Variants in KCNQ5 observed in about 807,000 individuals in gnomAD.
KCNQ5 encodes the protein potassium voltage-gated channel subfamily KQT member 5.
In KCNQ5, 30 loss-of-function variants were observed where a neutral mutation model predicts 98.2. The ratio of observed to expected loss-of-function variants is 0.31; its 90% confidence interval spans 0.23 to 0.41. The LOEUF (loss-of-function observed/expected upper bound fraction) is 0.41. Among genes scored for constraint, KCNQ5 ranks in the 10% least tolerant of loss-of-function variants. KCNQ5 has a pLI of 1.00. For missense variants in KCNQ5, 835 were observed against 1,182.5 expected (o/e 0.71, Z 4.31); for synonymous variants, 458 against 449.4 (o/e 1.02, Z -0.24).
At chr6:72,979,649 T>C (rs1768336540) in intron 1 of KCNQ5, among the ~76,000 whole-genome samples, 1 of 152,244 alleles carries the variant, frequency 6.6e-6, no homozygotes, top group Non-Finnish European at 1.5e-5. Context: ...TGATGGTAGT[T>C]TCTTTTGCCA....
chr6:72,988,015 C>G (rs1390129114), intron 1 of KCNQ5, among the ~76,000 whole-genome samples: 1 of 152,270 alleles, frequency 6.6e-6, no homozygotes, highest in East Asian at 1.9e-4. Context: ...GGACAACTAT[C>G]TTGATGGGCT....
chr6:72,935,333 AGT>A (rs924284593), intron 1 of KCNQ5, among the ~76,000 whole-genome samples: 2 of 152,026 alleles, frequency 1.3e-5, no homozygotes, highest in African/African-American at 4.8e-5. Flanking sequence ...AGCCTCCCAA[AGT>A]GCTGGGATTA....
chr6:73,033,686 C>A (rs1582226667), intron 2 of KCNQ5, among the ~76,000 whole-genome samples: 4 of 152,120 alleles, frequency 2.6e-5, no homozygotes, highest in African/African-American at 9.6e-5. Context: ...ATCTAATTTC[C>A]CCTATCTCCA....
In KCNQ5 at chr6:72,840,823, C is replaced by T. The variant is rs55723351; in HGVS notation, c.399-163085C>T. On this transcript the variant is annotated intron_variant, in intron 1 of 13. Transcript: ENST00000370398. The stretch of plus-strand genomic sequence containing the variant: ...TAGGCAGTGGACAGTCTTCTGTGAG[C>T]AGCAGCTCTGATAATGTATGCATAT... Among the ~76,000 whole-genome samples, 842 of 152,296 alleles carry T rather than the reference C, an allele frequency of 5.5e-3. 5 individuals carry two copies. Among genetic ancestry groups the T allele is most frequent in the African/African-American group, 0.018 (752 of 41,564 alleles).
intron 3 of KCNQ5, among the ~76,000 whole-genome samples, chr6:73,060,197 C>T (rs1772719148): frequency 6.6e-6 from 1 of 151,880 alleles, no homozygotes; most frequent in African/African-American, 2.4e-5. Flanking sequence ...GACTACTTTT[C>T]CTCCAAGACT....
chr6:72,665,215 G>GT (rs1471460837), intron 1 of KCNQ5, among the ~76,000 whole-genome samples: 1 of 151,788 alleles, frequency 6.6e-6, no homozygotes, highest in Non-Finnish European at 1.5e-5. Flanking sequence ...AGGCATGGTG[G>GT]TGCACGCCTG....
intron 1 of KCNQ5, among the ~76,000 whole-genome samples, chr6:72,752,844 C>T (rs1771754000): frequency 6.6e-6 from 1 of 152,034 alleles, no homozygotes; most frequent in Non-Finnish European, 1.5e-5. Flanking sequence ...TTATTAGAAA[C>T]AGGGCATAGT....
chr6:72,695,993 T>C (rs1768475301), intron 1 of KCNQ5, among the ~76,000 whole-genome samples: 1 of 152,186 alleles, frequency 6.6e-6, no homozygotes, highest in South Asian at 2.1e-4. Flanking sequence ...GCAGTTTTAG[T>C]TTATTTTAAC....
At chr6:73,081,686 T>C (rs1773775778) in intron 5 of KCNQ5, among the ~76,000 whole-genome samples, 1 of 152,202 alleles carries the variant, frequency 6.6e-6, no homozygotes, top group Non-Finnish European at 1.5e-5. Flanking sequence ...ATCAGGTCAA[T>C]AAATATTTGT....
chr6:72,937,071 A>G (rs1208007701), intron 1 of KCNQ5, among the ~76,000 whole-genome samples: 1 of 152,276 alleles, frequency 6.6e-6, no homozygotes, highest in Non-Finnish European at 1.5e-5. Flanking sequence ...AACTATTCAT[A>G]TTGATAAATT....
intron 9 of KCNQ5, among the ~76,000 whole-genome samples, chr6:73,124,803 G>A (rs569628922): frequency 4.0e-4 from 61 of 151,628 alleles, no homozygotes; most frequent in African/African-American, 1.5e-3. Flanking sequence ...TGTTTTCCCA[G>A]ACAGAAGTCT....
At chr6:73,061,063 CAAT>C (rs1772758404) in intron 3 of KCNQ5, among the ~76,000 whole-genome samples, 1 of 152,096 alleles carries the variant, frequency 6.6e-6, no homozygotes, top group Admixed American at 6.6e-5. Context: ...TAAATCCAAA[CAAT>C]AAAATACAGT....
In KCNQ5 at chr6:72,622,189, C is replaced by T; in HGVS notation, c.-1C>T. On this transcript the variant is annotated 5_prime_UTR_variant, in exon 1 of 14. Coordinates refer to ENST00000370398, the MANE Select transcript of KCNQ5 (RefSeq NM_019842.4). The surrounding 1 kb of genome is among the most constrained non-coding windows in gnomAD (Gnocchi z 6.0). ...CCCCTCGCGGTGCCCGTGGTGATGC[C>T]ATGCCCCGCCACCACGCGGGAGGAG... The T allele has an allele frequency of 8.2e-7, 1 of 1,224,490 alleles. No homozygotes were observed. The highest frequency in any genetic ancestry group is 1.0e-6 in the Non-Finnish European group (1 of 983,520). 75.9% of individuals were successfully genotyped at this position (1,224,490 alleles called of 1,614,324 possible).
At chr6:72,831,131 A>G (rs1380102559) in intron 1 of KCNQ5, among the ~76,000 whole-genome samples, 2 of 152,156 alleles carry the variant, frequency 1.3e-5, no homozygotes, top group Non-Finnish European at 2.9e-5. Context: ...ACGGTTGGTG[A>G]GACTGTAAAC....
intron 11 of KCNQ5, among the ~76,000 whole-genome samples, chr6:73,175,625 G>A (rs746588682): frequency 6.6e-6 from 1 of 152,132 alleles, no homozygotes; most frequent in Admixed American, 6.5e-5. Flanking sequence ...GACCCTTGTC[G>A]AAGCCTGACT....
chr6:72,943,362 T>C (rs1052909553), intron 1 of KCNQ5, among the ~76,000 whole-genome samples: 3 of 152,222 alleles, frequency 2.0e-5, no homozygotes, highest in Non-Finnish European at 4.4e-5. Flanking sequence ...ATGAGGCTTA[T>C]TTTTAGTTAC....
intron 1 of KCNQ5, among the ~76,000 whole-genome samples, chr6:72,899,716 A>G (rs958802074): frequency 5.9e-5 from 9 of 152,032 alleles, no homozygotes; most frequent in African/African-American, 1.7e-4. Context: ...TGAGTTCTTT[A>G]GTGGTGATTT....
At chr6:73,032,808 A>G (rs1285009743) in intron 2 of KCNQ5, among the ~76,000 whole-genome samples, 1 of 149,388 alleles carries the variant, frequency 6.7e-6, no homozygotes, top group African/African-American at 2.5e-5. Context: ...AGGTATAAAT[A>G]GGTTTAGGAT....
chr6:72,983,053 T>C (rs904970125), intron 1 of KCNQ5, among the ~76,000 whole-genome samples: 1 of 152,268 alleles, frequency 6.6e-6, no homozygotes. Flanking sequence ...GTTAGTCTGA[T>C]GGGCTTCCCT....
Sources: allele counts gnomAD v4.1 joint callset (sites outside exome capture counted in the v4.1 genomes callset), GRCh38; gene constraint gnomAD v4.1.1; non-coding constraint Gnocchi (gnomAD v3.1); transcripts MANE v1.5; gene names NCBI Gene and HGNC (gene_info 2026-07-23, HGNC 2026-07-21).